KIAA2012: variants seen among roughly 807,000 people sequenced by gnomAD.
KIAA2012 encodes KIAA2012, also known as uncharacterized protein KIAA2012.
A neutral mutation model predicts 150.6 loss-of-function variants in KIAA2012; 125 were observed. The ratio of observed to expected loss-of-function variants is 0.83; its 90% CI spans 0.72 to 0.96. The LOEUF is 0.96. Ranked by LOEUF, KIAA2012 falls within the 40% of genes least tolerant of loss-of-function variation. The pLI is 0.00. For synonymous variants in KIAA2012, 462 were observed against 504.7 expected (o/e 0.92, Z 1.13); for missense variants, 1,219 against 1,354.9 (o/e 0.90, Z 1.57).
chr2:202,084,276 T>C (rs1161715335), intron 2 of KIAA2012, among the ~76,000 whole-genome samples: 1 of 152,214 alleles, frequency 6.6e-6, no homozygotes, highest in Non-Finnish European at 1.5e-5. Context: ...CCATATCTGC[T>C]GGGCAGGAGC....
chr2:202,095,838 C>T (rs2105917970), intron 4 of KIAA2012, among the ~76,000 whole-genome samples: 1 of 152,298 alleles, frequency 6.6e-6, no homozygotes, highest in South Asian at 2.1e-4. Flanking sequence ...AATCCCAACA[C>T]TTTGGTAGGT....
chr2:202,192,056 T>A (rs1223573769), intron 19 of KIAA2012, among the ~76,000 whole-genome samples: 1 of 152,190 alleles, frequency 6.6e-6, no homozygotes, highest in African/African-American at 2.4e-5. Context: ...AGATTTTCCT[T>A]TATAGTTCTC....
At chr2:202,202,765 T>TAA (rs201956961) in intron 23 of KIAA2012, among the ~76,000 whole-genome samples, 178 bp downstream of exon 23, 8 of 151,730 alleles carry the variant, frequency 5.3e-5, no homozygotes, top group African/African-American at 1.9e-4. Flanking sequence ...CTCATCTTTA[T>TAA]AAAAAAACAT....
At chr2:202,181,142 C>G (rs1378459972) in intron 15 of KIAA2012, among the ~76,000 whole-genome samples, 3 of 152,036 alleles carry the variant, frequency 2.0e-5, no homozygotes, top group African/African-American at 7.2e-5. Flanking sequence ...GCTGATTTTT[C>G]TATTTTTTGT....
chr2:202,199,263 C>T (rs954801994), intron 22 of KIAA2012, among the ~76,000 whole-genome samples: 7 of 152,020 alleles, frequency 4.6e-5, no homozygotes, highest in Admixed American at 3.3e-4. Flanking sequence ...TTCTCTGGCC[C>T]GTTTCCTCAC....
At chr2:202,138,645 T>C in intron 13 of KIAA2012, 137 bp downstream of exon 13, 1 of 604,496 alleles carries the variant, frequency 1.7e-6, no homozygotes, top group Non-Finnish European at 2.9e-6. Flanking sequence ...ATGAGACAAG[T>C]AGACTATGAA....
chr2:202,158,946 T>C (rs1361457976), intron 14 of KIAA2012, among the ~76,000 whole-genome samples: 2 of 152,150 alleles, frequency 1.3e-5, no homozygotes, highest in Non-Finnish European at 2.9e-5. Context: ...GAATGAGAAA[T>C]AAGCTTCCAC....
Position 202,109,788 on chromosome 2 carries a change from A to G in KIAA2012, c.1650A>G (p.Gln550=). The G allele has an allele frequency of 6.5e-7, 1 of 1,546,458 alleles. No individual in the cohort carries two copies. Among genetic ancestry groups the G allele is most frequent in the South Asian group, 1.2e-5 (1 of 83,312 alleles). Residue 550 remains glutamine, a splice_region_variant and synonymous_variant, in exon 10 of 24, where the codon CAA becomes CAG. Transcript: ENST00000498697. ...RVPRRALPAA[Q]EDSSDPTLGH... ...CCAGGAGGGCACTGCCAGCAGCTCA[A>G]GGTAATCATTCCCAGAGTGCATAGA...
intron 7 of KIAA2012, among the ~76,000 whole-genome samples, chr2:202,101,701 A>C (rs1401959141): frequency 6.6e-6 from 1 of 152,246 alleles, no homozygotes; most frequent in Non-Finnish European, 1.5e-5. Context: ...GCACAAGGTC[A>C]GTATTCAAAA....
chr2:202,172,026 T>C (rs1189807820), intron 15 of KIAA2012, among the ~76,000 whole-genome samples: 1 of 152,162 alleles, frequency 6.6e-6, no homozygotes, highest in Non-Finnish European at 1.5e-5. Flanking sequence ...TTTGTATTTT[T>C]AGTAGAGACG....
At chr2:202,172,491 A>G (rs1574305449) in intron 15 of KIAA2012, among the ~76,000 whole-genome samples, 1 of 152,382 alleles carries the variant, frequency 6.6e-6, no homozygotes, top group South Asian at 2.1e-4. Flanking sequence ...TTATGGATGA[A>G]GAAACCTGAG....
chr2:202,095,133 T>C (rs1013207345), intron 4 of KIAA2012, among the ~76,000 whole-genome samples: 2 of 152,176 alleles, frequency 1.3e-5, no homozygotes, highest in African/African-American at 4.8e-5. Context: ...TTATACCTCC[T>C]TAGCTTGTGT....
intron 11 of KIAA2012, among the ~76,000 whole-genome samples, chr2:202,119,934 T>C (rs1439211423): frequency 2.6e-5 from 4 of 152,242 alleles, no homozygotes; most frequent in Non-Finnish European, 2.9e-5. Context: ...AGCTCTTTCC[T>C]GTGCTGTTCT....
chr2:202,165,260 C>A (rs1691732609), intron 14 of KIAA2012, 24 bp from the exon 15 acceptor site: 7 of 1,545,684 alleles, frequency 4.5e-6, no homozygotes, highest in East Asian at 2.4e-5. Flanking sequence ...CTAATGTATT[C>A]TTTGTTGTGT....
At chr2:202,181,329 A>G (rs1325405256) in intron 15 of KIAA2012, among the ~76,000 whole-genome samples, 1 of 152,200 alleles carries the variant, frequency 6.6e-6, no homozygotes, top group Non-Finnish European at 1.5e-5. Context: ...TCATGTCAAC[A>G]CTTTGGGAAG....
chr2:202,088,319 C>A (rs376524319), intron 2 of KIAA2012, among the ~76,000 whole-genome samples: 1 of 152,148 alleles, frequency 6.6e-6, no homozygotes, highest in African/African-American at 2.4e-5. Context: ...TCTCCCACCA[C>A]CTGGACAAGA....
chr2:202,109,595 C>T lies in KIAA2012; in HGVS notation c.1475-18C>T, dbSNP rs1690290975. The T allele has an allele frequency of 6.6e-7, 1 of 1,507,316 alleles. No homozygotes were observed. Among genetic ancestry groups the T allele is most frequent in the Non-Finnish European group, 8.9e-7 (1 of 1,129,742 alleles). 93.4% of individuals were successfully genotyped at this position (1,507,316 alleles called of 1,614,324 possible). A position where few individuals can be genotyped will look rare whatever the true frequency, so the allele number is the denominator to read the frequency against. ...TTCTGTTTTCTCACACAGGCTTTTT[C>T]CCCTTTTGTTTTTAAAGATGATGAT... On this transcript the variant is annotated intron_variant, in intron 9 of 23. Coordinates refer to ENST00000498697, the MANE Select transcript of KIAA2012 (RefSeq NM_001277372.4).
At position 202,095,126 on chromosome 2, in the gene KIAA2012, T is replaced by C. The variant is rs377062953; in HGVS notation, c.685+1941T>C. ...CTATGTGCTCAATAAATGTTCATTA[T>C]ACCTCCTTAGCTTGTGTTTTAAGCA... On this transcript the variant is annotated intron_variant, in intron 4 of 23. Coordinates refer to ENST00000498697, the MANE Select transcript of KIAA2012 (RefSeq NM_001277372.4). 2.6e-5 allele frequency among the ~76,000 whole-genome samples: 4 copies of C among 152,348 alleles called. No individual in the cohort carries two copies. The East Asian group carries it at 7.7e-4, about 29-fold the overall frequency.
chr2:202,168,367 C>T (rs1691816275), intron 15 of KIAA2012, among the ~76,000 whole-genome samples: 1 of 145,728 alleles, frequency 6.9e-6, no homozygotes, highest in African/African-American at 2.6e-5. Flanking sequence ...TGCAGTGAGC[C>T]GAGATTGTGC....
Sources: gnomAD v4.1 joint callset for allele counts (sites outside exome capture counted in the v4.1 genomes callset) on GRCh38, gnomAD v4.1.1 for gene constraint, MANE v1.5 for transcripts, NCBI Gene and HGNC (gene_info 2026-07-23, HGNC 2026-07-21) for gene names.